LAMA2: variants seen among roughly 807,000 people sequenced by gnomAD.
The protein encoded by LAMA2 is laminin subunit alpha 2.
LAMA2 carries 269 observed loss-of-function variants against 364.8 expected under a neutral mutation model. The ratio of observed to expected loss-of-function variants is 0.74; its 90% CI spans 0.67 to 0.82. The LOEUF is 0.82. Among genes scored for constraint, LAMA2 ranks in the 40% least tolerant of loss-of-function variants. The pLI, the probability that LAMA2 is intolerant of heterozygous loss-of-function variation, is 0.00. For missense variants in LAMA2, 3,807 were observed against 3,873.2 expected, an observed-to-expected ratio of 0.98 and a Z score of 0.45; for synonymous variants, 1,379 against 1,370.6, an observed-to-expected ratio of 1.01 and a Z score of -0.14.
intron 50 of LAMA2, among the ~76,000 whole-genome samples, chr6:129,464,762 C>T (rs1783453776): frequency 6.6e-6 from 1 of 151,964 alleles, no homozygotes; most frequent in East Asian, 1.9e-4. Flanking sequence ...CTTCCTTAAT[C>T]TTCTTTCAGA....
At chr6:128,929,534 C>A in intron 1 of LAMA2, 1 of 933,934 alleles carries the variant, frequency 1.1e-6, no homozygotes, top group Non-Finnish European at 1.8e-6. Context: ...TGTAGAGAAA[C>A]TCCTGAGCGA....
intron 4 of LAMA2, among the ~76,000 whole-genome samples, chr6:129,130,211 A>G (rs143378246): frequency 1.3e-5 from 2 of 152,322 alleles, no homozygotes; most frequent in Non-Finnish European, 2.9e-5. Flanking sequence ...ACATACTAGC[A>G]CTAGTCATAG....
intron 29 of LAMA2, among the ~76,000 whole-genome samples, chr6:129,340,108 T>C (rs1160210388): frequency 6.6e-6 from 1 of 152,126 alleles, no homozygotes; most frequent in Non-Finnish European, 1.5e-5. Context: ...GGCCTGATGA[T>C]TGTAAGTTTT....
chr6:129,030,237 A>G (rs753464516), intron 1 of LAMA2, among the ~76,000 whole-genome samples: 2 of 151,996 alleles, frequency 1.3e-5, no homozygotes, highest in Non-Finnish European at 2.9e-5. Context: ...TTTTAATTTA[A>G]TGTTTCCAAT....
chr6:129,098,149 A>G, intron 3 of LAMA2, 24 bp from the exon 4 acceptor site: 3 of 1,612,574 alleles, frequency 1.9e-6, no homozygotes, highest in Non-Finnish European at 2.5e-6. Flanking sequence ...ATTCAATGTT[A>G]TTGTTGTTGT....
chr6:129,115,832 G>C (rs547169724), intron 4 of LAMA2, among the ~76,000 whole-genome samples: 13 of 152,248 alleles, frequency 8.5e-5, no homozygotes, highest in African/African-American at 3.1e-4. Flanking sequence ...TGCCCACGTT[G>C]GTTGTATTAA....
chr6:129,079,190 C>T (rs948179236), intron 3 of LAMA2, among the ~76,000 whole-genome samples: 2 of 152,140 alleles, frequency 1.3e-5, no homozygotes, highest in African/African-American at 4.8e-5. Context: ...GAAAATATTA[C>T]ATACAAAAAC....
intron 41 of LAMA2, 77 bp from the exon 42 acceptor site, chr6:129,438,569 C>G (rs1054923271): frequency 2.8e-6 from 2 of 716,140 alleles, no homozygotes; most frequent in African/African-American, 3.5e-5. Flanking sequence ...ATTAAAATAA[C>G]CTGAAATTGC....
chr6:129,321,194 T>C (rs1774943805), intron 28 of LAMA2, among the ~76,000 whole-genome samples: 1 of 152,208 alleles, frequency 6.6e-6, no homozygotes, highest in South Asian at 2.1e-4. Flanking sequence ...TTCAATAAAC[T>C]TGCTGAGATA....
intron 1 of LAMA2, among the ~76,000 whole-genome samples, chr6:128,883,801 TACACACAC>T (rs71543146): frequency 0.04 from 5,470 of 135,966 alleles, 115 homozygotes; most frequent in African/African-American, 0.054. Flanking sequence ...TATATATATA[TACACACAC>T]ACACACACAC....
At chr6:129,478,657 G>A in intron 53 of LAMA2, 36 bp from the exon 54 acceptor site, 1 of 1,610,276 alleles carries the variant, frequency 6.2e-7, no homozygotes, top group Non-Finnish European at 8.5e-7. Context: ...TCACCCTAAT[G>A]ATATTGCTTT....
At chr6:129,498,127 G>A (rs976324193) in intron 58 of LAMA2, among the ~76,000 whole-genome samples, 2 of 152,300 alleles carry the variant, frequency 1.3e-5, no homozygotes, top group African/African-American at 4.8e-5. Context: ...TGTAGATAAT[G>A]AGCTGGCTGC....
intron 53 of LAMA2, among the ~76,000 whole-genome samples, chr6:129,475,661 C>T (rs1011751791): frequency 6.6e-6 from 1 of 152,020 alleles, no homozygotes; most frequent in Non-Finnish European, 1.5e-5. Flanking sequence ...CTCACTTGTT[C>T]AACCATCTGC....
chr6:129,259,386 A>C (rs1443057077), intron 14 of LAMA2, among the ~76,000 whole-genome samples: 1 of 152,080 alleles, frequency 6.6e-6, no homozygotes, highest in South Asian at 2.1e-4. Flanking sequence ...GAACTGAAAA[A>C]TGCAGGCCAT....
At chr6:129,436,219 T>C (rs956917441) in intron 41 of LAMA2, among the ~76,000 whole-genome samples, 1 of 152,146 alleles carries the variant, frequency 6.6e-6, no homozygotes, top group Non-Finnish European at 1.5e-5. Flanking sequence ...ATTAACTGCC[T>C]CATTCATTCC....
chr6:129,169,257 CT>C (rs1779974292), intron 9 of LAMA2, among the ~76,000 whole-genome samples: 1 of 147,222 alleles, frequency 6.8e-6, no homozygotes, highest in African/African-American at 2.7e-5. Context: ...AAAGGGAATG[CT>C]TCCAGTTTTT....
At chr6:128,959,177 A>G (rs1323796145) in intron 1 of LAMA2, among the ~76,000 whole-genome samples, 1 of 152,148 alleles carries the variant, frequency 6.6e-6, no homozygotes, top group Non-Finnish European at 1.5e-5. Flanking sequence ...ATTTTAAACT[A>G]CACTTTCTGA....
chr6:129,431,441 T>C (rs956503176), intron 41 of LAMA2, among the ~76,000 whole-genome samples: 8 of 146,136 alleles, frequency 5.5e-5, no homozygotes, highest in African/African-American at 1.8e-4. Flanking sequence ...ATAAAATAGA[T>C]AACACAGGAA....
At position 129,145,996 on chromosome 6, in the gene LAMA2, G is replaced by A. The variant is rs549101313; in HGVS notation, c.820-963G>A. 5.9e-5 allele frequency among the ~76,000 whole-genome samples: 9 copies of A among 151,658 alleles called. No individual in the cohort carries two copies. In the East Asian group the frequency reaches 1.7e-3, roughly 29 times the overall value. ...CCAGTTCCATTAGTTCAAGGTCTAG[G>A]TATATCAAATAAGATAACATAACAA... On this transcript the variant is annotated intron_variant, in intron 5 of 64. Coordinates refer to ENST00000421865, the MANE Select transcript of LAMA2 (RefSeq NM_000426.4).
Sources: gnomAD v4.1 joint callset for allele counts (sites outside exome capture counted in the v4.1 genomes callset) on GRCh38, gnomAD v4.1.1 for gene constraint, MANE v1.5 for transcripts, NCBI Gene and HGNC (gene_info 2026-07-23, HGNC 2026-07-21) for gene names.